IGSF11: variants seen among roughly 807,000 people sequenced by gnomAD.
IGSF11 encodes immunoglobulin superfamily member 11, also known as CXADR like 1.
In IGSF11, 22 loss-of-function variants were observed where a neutral mutation model predicts 41.0. The ratio of observed to expected loss-of-function variants is 0.54; its 90% CI spans 0.38 to 0.77. The LOEUF is 0.77. Among genes scored for constraint, IGSF11 ranks in the 30% least tolerant of loss-of-function variants. The pLI, the probability that IGSF11 is intolerant of heterozygous loss-of-function variation, is 0.00. For synonymous variants in IGSF11, 219 were observed against 201.3 expected (o/e 1.09, Z -0.74); for missense variants, 444 against 530.8 (o/e 0.84, Z 1.61).
chr3:119,059,355 T>C (rs114420370), intron 1 of IGSF11, among the ~76,000 whole-genome samples: 87 of 152,156 alleles, frequency 5.7e-4, no homozygotes, highest in African/African-American at 1.9e-3. Flanking sequence ...ATGTGGGAGC[T>C]AAGACATGAG....
chr3:118,980,128 A>AACC (rs1262978966), intron 1 of IGSF11, among the ~76,000 whole-genome samples: 6 of 152,214 alleles, frequency 3.9e-5, no homozygotes, highest in Non-Finnish European at 7.4e-5. Flanking sequence ...CAACAACAAC[A>AACC]ACCACAAACA....
rs964742663 is a variant in IGSF11 at position 119,057,880 on chromosome 3, C to A, written c.49+47264G>T. On this transcript the variant is annotated intron_variant, in intron 1 of 6. Coordinates refer to the IGSF11 transcript ENST00000354673. ...AAAAACAAGCAATGGGGAAAGGATT[C>A]CCTATTTAATAAATGGTGCTGGGAA... is the stretch of plus-strand genomic sequence containing the variant. 6.6e-5 allele frequency among the ~76,000 whole-genome samples: 10 copies of A among 152,270 alleles called. No homozygotes were observed. The South Asian group carries it at 2.1e-3, about 32-fold the overall frequency.
chr3:119,117,732 G>C (rs2077278077), intron 1 of IGSF11, among the ~76,000 whole-genome samples: 1 of 152,194 alleles, frequency 6.6e-6, no homozygotes, highest in Non-Finnish European at 1.5e-5. Flanking sequence ...TCTGAGACAA[G>C]GTTAGTCCCT....
At chr3:119,054,565 C>T (rs996007454) in intron 1 of IGSF11, among the ~76,000 whole-genome samples, 1 of 152,130 alleles carries the variant, frequency 6.6e-6, no homozygotes, top group Non-Finnish European at 1.5e-5. Context: ...AAAGGGAACA[C>T]ATTTATACCG....
rs370235906 is a variant in IGSF11, at chr3:119,085,340, T to G, written c.49+19804A>C. ...AAGACCAAGCACTTAACAAAGACCC[T>G]GTACAAAGCTTTAGCCCTCTGAAAA... On this transcript the variant is annotated intron_variant, in intron 1 of 6. Coordinates refer to the IGSF11 transcript ENST00000354673. Among the ~76,000 whole-genome samples, 244 of 152,310 alleles carry G rather than the reference T, an allele frequency of 1.6e-3. 2 individuals carry two copies. The South Asian group carries it at 0.016, about 10-fold the overall frequency.
intron 1 of IGSF11, among the ~76,000 whole-genome samples, chr3:119,016,208 A>C (rs1418507546): frequency 6.6e-6 from 1 of 152,094 alleles, no homozygotes; most frequent in East Asian, 1.9e-4. Flanking sequence ...GAAGGGAGAG[A>C]GGTGTGGCAG....
At chr3:119,129,280 G>A (rs540870713) in intron 1 of IGSF11, among the ~76,000 whole-genome samples, 19 of 152,086 alleles carry the variant, frequency 1.2e-4, no homozygotes, top group East Asian at 1.2e-3. Flanking sequence ...CATGTATCCC[G>A]TTTCTTTTTT....
At chr3:118,962,599 G>A (rs951971272) in intron 1 of IGSF11, among the ~76,000 whole-genome samples, 1 of 152,098 alleles carries the variant, frequency 6.6e-6, no homozygotes, top group Non-Finnish European at 1.5e-5. Flanking sequence ...ATGGTTCTGA[G>A]GGACAGACAG....
chr3:118,943,687 C>T lies in IGSF11; in HGVS notation c.53-13412G>A, dbSNP rs899406698. Among the ~76,000 whole-genome samples the T allele has an allele frequency of 5.3e-5, 8 of 152,306 alleles. No individual in the cohort carries two copies. In the South Asian group the frequency reaches 1.5e-3, roughly 28 times the overall value. On this transcript the variant is annotated intron_variant, in intron 1 of 6. Transcript: ENST00000393775. ...ATTTTTCTTTCCTGTATACAGAACACTCTCTGACATTGTGATGCTATAGTT... is the reference window on the plus strand; with the variant it reads ...ATTTTTCTTTCCTGTATACAGAACATTCTCTGACATTGTGATGCTATAGTT...
chr3:118,992,414 C>T (rs1056738581), intron 1 of IGSF11, among the ~76,000 whole-genome samples: 8 of 152,148 alleles, frequency 5.3e-5, no homozygotes, highest in Middle Eastern at 3.2e-3. Context: ...ATTTAGATGG[C>T]GTTCTTTAAA....
upstream of IGSF11, among the ~76,000 whole-genome samples, chr3:119,107,070 C>A (rs1229539181): frequency 2.0e-5 from 3 of 152,102 alleles, no homozygotes; most frequent in Non-Finnish European, 2.9e-5. Context: ...GTCTTTATAG[C>A]AGCATGATTT....
intron 1 of IGSF11, among the ~76,000 whole-genome samples, chr3:119,001,524 GGTTA>G (rs1422009958): frequency 6.9e-6 from 1 of 144,884 alleles, no homozygotes; most frequent in Non-Finnish European, 1.5e-5. Context: ...ACATTGTGCA[GGTTA>G]GTTACATATG....
chr3:118,939,790 C>G (rs1417491520), intron 1 of IGSF11, among the ~76,000 whole-genome samples: 1 of 152,012 alleles, frequency 6.6e-6, no homozygotes, highest in Admixed American at 6.5e-5. Context: ...TAAGTTTCCA[C>G]CTTAAGAAAC....
chr3:119,010,412 G>A (rs1275663125), intron 1 of IGSF11, among the ~76,000 whole-genome samples: 2 of 152,242 alleles, frequency 1.3e-5, no homozygotes, highest in Non-Finnish European at 2.9e-5. Context: ...TATCCGGAAA[G>A]TGGGTAAACA....
At chr3:118,989,965 T>C (rs1411364209) in intron 1 of IGSF11, among the ~76,000 whole-genome samples, 5 of 152,094 alleles carry the variant, frequency 3.3e-5, no homozygotes, top group Non-Finnish European at 7.4e-5. Context: ...TAAGGAGAAG[T>C]ATCAGGCAGA....
chr3:118,941,067 G>A (rs1313005526), intron 1 of IGSF11, among the ~76,000 whole-genome samples: 1 of 151,802 alleles, frequency 6.6e-6, no homozygotes, highest in Non-Finnish European at 1.5e-5. Context: ...AAAGCCTTCT[G>A]GAATAGGATA....
At chr3:119,038,245 G>C (rs574917053), upstream of IGSF11, among the ~76,000 whole-genome samples, 2 of 152,106 alleles carry the variant, frequency 1.3e-5, no homozygotes, top group East Asian at 1.9e-4. Flanking sequence ...ATTGTATGTT[G>C]ACATAAATAG....
At chr3:119,067,825 C>T (rs1942279605) in intron 1 of IGSF11, among the ~76,000 whole-genome samples, 1 of 152,196 alleles carries the variant, frequency 6.6e-6, no homozygotes, top group Admixed American at 6.5e-5. Flanking sequence ...GTTCATTCAC[C>T]TACCCTCTCT....
intron 1 of IGSF11, among the ~76,000 whole-genome samples, chr3:118,953,752 GT>G (rs1353056170): frequency 6.6e-6 from 1 of 151,996 alleles, no homozygotes; most frequent in Non-Finnish European, 1.5e-5. Flanking sequence ...TGGATAGTTT[GT>G]TTTTTTCTTG....
Sources: allele counts gnomAD v4.1 joint callset (sites outside exome capture counted in the v4.1 genomes callset), GRCh38; gene constraint gnomAD v4.1.1; transcripts MANE v1.5; gene names NCBI Gene and HGNC (gene_info 2026-07-23, HGNC 2026-07-21).